The following TENM3 variants were observed in gnomAD, a reference collection of about 807,000 sequenced individuals.
The protein encoded by TENM3 is teneurin-3.
TENM3 carries 63 observed loss-of-function variants against 255.1 expected under a neutral mutation model. That is an observed-to-expected ratio of 0.25 (90% CI 0.20 to 0.30). TENM3 has a LOEUF of 0.30. Among genes scored for constraint, TENM3 ranks in the 10% least tolerant of loss-of-function variants. The pLI is 1.00. For missense variants in TENM3, 2,929 were observed against 3,461.1 expected (o/e 0.85, Z 3.86); for synonymous variants, 1,306 against 1,322.3 (o/e 0.99, Z 0.27).
chr4:181,809,314 G>GT, the TENM3 span, among the ~76,000 whole-genome samples: 1 of 152,114 alleles, frequency 6.6e-6, no homozygotes, highest in African/African-American at 2.4e-5. Context: ...CATAAATTTC[G>GT]TTTTTAAAAT....
At chr4:182,355,337 A>G (rs530032559) in intron 3 of TENM3, among the ~76,000 whole-genome samples, 1 of 152,174 alleles carries the variant, frequency 6.6e-6, no homozygotes, top group Non-Finnish European at 1.5e-5. Flanking sequence ...TGGTGATGCT[A>G]AGGGATTTGC....
chr4:182,228,368 G>GTATATATATATA, intron 1 of TENM3, among the ~76,000 whole-genome samples: 3 of 82,024 alleles, frequency 3.7e-5, no homozygotes, highest in African/African-American at 1.0e-4. Context: ...ATGTGTGTGT[G>GTATATATATATA]TGTGTGTGTG....
At chr4:182,568,488 C>T (rs1259430792) in intron 3 of TENM3, among the ~76,000 whole-genome samples, 3 of 152,188 alleles carry the variant, frequency 2.0e-5, no homozygotes, top group African/African-American at 4.8e-5. Flanking sequence ...TGGCTAAAAT[C>T]ACAGAGACTA....
At chr4:182,416,373 G>A (rs771885876) in intron 3 of TENM3, among the ~76,000 whole-genome samples, 5 of 151,952 alleles carry the variant, frequency 3.3e-5, no homozygotes, top group Admixed American at 2.0e-4. Context: ...AGTAGGCAGT[G>A]AGTGTATTAA....
chr4:182,092,966 G>A, the TENM3 span, among the ~76,000 whole-genome samples: 1 of 152,180 alleles, frequency 6.6e-6, no homozygotes, highest in Non-Finnish European at 1.5e-5. Flanking sequence ...CTTGTCCACT[G>A]TGTGCCCAGA....
At chr4:181,472,471 G>T in the TENM3 span, among the ~76,000 whole-genome samples, 1 of 146,864 alleles carries the variant, frequency 6.8e-6, no homozygotes, top group Non-Finnish European at 1.5e-5. Context: ...CCCCCAAAAG[G>T]CCCCCTGCCA....
chr4:181,706,652 AAAAC>A, the TENM3 span, among the ~76,000 whole-genome samples: 4 of 152,190 alleles, frequency 2.6e-5, no homozygotes, highest in Admixed American at 1.3e-4. Flanking sequence ...ACTAGGAAAA[AAAAC>A]AAACAGGCGA....
intron 1 of TENM3, among the ~76,000 whole-genome samples, chr4:182,284,106 G>A (rs1207247634): frequency 6.6e-6 from 1 of 152,132 alleles, no homozygotes; most frequent in Non-Finnish European, 1.5e-5. Flanking sequence ...TAAGACATGA[G>A]AGAGTTTAAT....
At chr4:182,195,917 T>A (rs1753809099) in intron 1 of TENM3, among the ~76,000 whole-genome samples, 1 of 152,162 alleles carries the variant, frequency 6.6e-6, no homozygotes, top group African/African-American at 2.4e-5. Context: ...TATCCGAGGC[T>A]CTGGCTAGAC....
chr4:181,630,455 T>C, the TENM3 span, among the ~76,000 whole-genome samples: 7 of 152,210 alleles, frequency 4.6e-5, no homozygotes, highest in African/African-American at 1.7e-4. Context: ...AGCTCTTTCC[T>C]GCTTACTCTT....
rs574940493 is a variant in TENM3, at chr4:182,755,567, A to G, written c.4892+308A>G. Among the ~76,000 whole-genome samples, 11 of 152,046 alleles carry G rather than the reference A, an allele frequency of 7.2e-5. No homozygotes were observed. In the East Asian group the frequency reaches 7.8e-4, roughly 11 times the overall value. ...TAAAGAAAAAAAAATGGCCGGGCGC[A>G]GTGGCTCACGCCTGTAATCCCAGCA... On this transcript the variant is annotated intron_variant, in intron 22 of 27. Transcript: ENST00000511685.
At chr4:181,940,759 G>T in the TENM3 span, among the ~76,000 whole-genome samples, 3 of 152,182 alleles carry the variant, frequency 2.0e-5, no homozygotes, top group Non-Finnish European at 4.4e-5. Context: ...TGTGGCAGAG[G>T]AGTGACATGG....
intron 3 of TENM3, among the ~76,000 whole-genome samples, chr4:182,506,862 G>A (rs75140284): frequency 0.019 from 2,867 of 152,160 alleles, 74 homozygotes; most frequent in East Asian, 0.045. Flanking sequence ...CGGTCAATTC[G>A]ATGGTTCTTC....
intron 4 of TENM3, among the ~76,000 whole-genome samples, chr4:182,608,671 G>C (rs932670217): frequency 3.3e-5 from 5 of 152,142 alleles, no homozygotes; most frequent in African/African-American, 4.8e-5. Context: ...GCGTCCTAGC[G>C]CTTCTGCAGG....
chr4:181,566,225 T>A, the TENM3 span, among the ~76,000 whole-genome samples: 2 of 152,182 alleles, frequency 1.3e-5, no homozygotes, highest in African/African-American at 2.4e-5. Flanking sequence ...TCCCTGAAAT[T>A]GTTGATCAGG....
At chr4:181,779,476 TA>T in the TENM3 span, among the ~76,000 whole-genome samples, 1 of 151,794 alleles carries the variant, frequency 6.6e-6, no homozygotes, top group Non-Finnish European at 1.5e-5. Context: ...ATCTTCTAAA[TA>T]AAAAGTTCTA....
At chr4:182,245,232 GACACA>G (rs1757563718) in intron 1 of TENM3, among the ~76,000 whole-genome samples, 2 of 152,318 alleles carry the variant, frequency 1.3e-5, no homozygotes, top group South Asian at 4.1e-4. Context: ...CAGGGAACAA[GACACA>G]ATTGTTTCCA....
intron 5 of TENM3, among the ~76,000 whole-genome samples, chr4:182,646,572 T>C (rs539810712): frequency 6.6e-6 from 1 of 152,058 alleles, no homozygotes; most frequent in Non-Finnish European, 1.5e-5. Context: ...TGAAACCCCG[T>C]CTCTACTAAA....
chr4:181,758,116 G>C, the TENM3 span, among the ~76,000 whole-genome samples: 2 of 152,272 alleles, frequency 1.3e-5, no homozygotes, highest in African/African-American at 4.8e-5. Context: ...TTTTACTGCT[G>C]CTCCCCACCT....
Sources: gnomAD v4.1 joint callset for allele counts (sites outside exome capture counted in the v4.1 genomes callset) on GRCh38, gnomAD v4.1.1 for gene constraint, MANE v1.5 for transcripts, NCBI Gene and HGNC (gene_info 2026-07-23, HGNC 2026-07-21) for gene names.